Variants in MYH14 observed in about 807,000 individuals in gnomAD.
The protein encoded by MYH14 is myosin heavy chain 14.
MYH14 carries 123 observed loss-of-function variants against 255.5 expected under a neutral mutation model. The observed-to-expected ratio is 0.48, with a 90% CI of 0.42 to 0.56. MYH14 has a LOEUF of 0.56. Ranked by LOEUF, MYH14 falls within the 20% of genes least tolerant of loss-of-function variation. The pLI is 0.00. For synonymous variants in MYH14, 1,095 were observed against 1,161.2 expected, an observed-to-expected ratio of 0.94 and a Z score of 1.16; for missense variants, 2,423 against 2,802.3, an observed-to-expected ratio of 0.86 and a Z score of 3.06.
chr19:50,284,424 T>A (rs1291341171), intron 33 of MYH14, among the ~76,000 whole-genome samples: 1 of 152,154 alleles, frequency 6.6e-6, no homozygotes, highest in Non-Finnish European at 1.5e-5. Flanking sequence ...TGGAGTGCAG[T>A]GGCATGATCT....
At chr19:50,309,560 A>ATC (rs2036778065) in intron 42 of MYH14, 80 bp from the exon 43 acceptor site, 3 of 626,138 alleles carry the variant, frequency 4.8e-6, no homozygotes, top group African/African-American at 5.9e-5. Context: ...TCTCCCCCTC[A>ATC]TCTCTCTCTC....
chr19:50,297,413 C>T (rs1432557315), intron 39 of MYH14, among the ~76,000 whole-genome samples: 4 of 150,912 alleles, frequency 2.7e-5, no homozygotes, highest in Non-Finnish European at 2.9e-5. Flanking sequence ...GTTTCTTCAT[C>T]TGTAGATGTG....
intron 29 of MYH14, among the ~76,000 whole-genome samples, chr19:50,277,556 CA>C (rs891811741): frequency 1.3e-5 from 2 of 151,418 alleles, no homozygotes; most frequent in African/African-American, 4.9e-5. Flanking sequence ...TGAAGTGAGT[CA>C]AGATTGTACC....
chr19:50,229,638 T>C (rs2033277095), intron 8 of MYH14, among the ~76,000 whole-genome samples: 1 of 151,900 alleles, frequency 6.6e-6, no homozygotes, highest in South Asian at 2.1e-4. Context: ...AGACCCTGTC[T>C]AAAAAAACAA....
intron 10 of MYH14, among the ~76,000 whole-genome samples, chr19:50,239,988 G>T (rs2033827071): frequency 6.6e-6 from 1 of 152,078 alleles, no homozygotes; most frequent in Non-Finnish European, 1.5e-5. Flanking sequence ...AGCCCCCCAT[G>T]TCCCTTCCCA....
At chr19:50,251,521 T>TACACACAC (rs56728213) in intron 15 of MYH14, among the ~76,000 whole-genome samples, 10 of 72,596 alleles carry the variant, frequency 1.4e-4, no homozygotes, top group East Asian at 3.9e-4. Flanking sequence ...ATATACACAC[T>TACACACAC]ACACACACAC....
intron 36 of MYH14, 55 bp from the exon 37 acceptor site, chr19:50,292,206 G>C (rs1324808676): frequency 1.3e-5 from 19 of 1,507,276 alleles, no homozygotes; most frequent in Non-Finnish European, 1.4e-5. Flanking sequence ...GGGTGGAGGA[G>C]TTCCCTGTGC....
chr19:50,274,970 C>T (rs958765212), intron 27 of MYH14, among the ~76,000 whole-genome samples: 6 of 151,736 alleles, frequency 4.0e-5, no homozygotes, highest in Non-Finnish European at 8.8e-5. Context: ...ACTCCCCATC[C>T]CTCCTTCTCC....
intron 15 of MYH14, among the ~76,000 whole-genome samples, chr19:50,251,527 C>CATATAT (rs1568500513): frequency 1.3e-4 from 3 of 22,270 alleles, no homozygotes; most frequent in Admixed American, 3.5e-4. Flanking sequence ...ACACTACACA[C>CATATAT]ACACACACAC....
At chr19:50,232,437 C>CG (rs2033445399) in intron 10 of MYH14, among the ~76,000 whole-genome samples, 1 of 151,254 alleles carries the variant, frequency 6.6e-6, no homozygotes, top group African/African-American at 2.4e-5. Flanking sequence ...ACTGAAAATA[C>CG]AAAAAAGTTA....
At position 50,210,557 on chromosome 19, in the gene MYH14, G is replaced by A. The variant is rs181055215; in HGVS notation, c.192G>A (p.Gly64=). 2.5e-5 allele frequency: 40 copies of A among 1,582,468 alleles called. No homozygotes were observed. The highest frequency in any genetic ancestry group is 4.0e-5 in the African/African-American group (3 of 74,218). The change falls in exon 2 of 43, where the codon GGG becomes GGA. Residue 64 remains glycine, a synonymous_variant. Coordinates refer to ENST00000642316, the MANE Select transcript of MYH14 (RefSeq NM_001145809.2). ...RLVWVPSELH[G]FEAAALRDEG... ...TGTGGGTGCCTTCGGAGCTTCACGGGTTCGAGGCGGCGGCGCTGCGGGACG... is the reference window on the plus strand; with the variant it reads ...TGTGGGTGCCTTCGGAGCTTCACGGATTCGAGGCGGCGGCGCTGCGGGACG...
intron 22 of MYH14, among the ~76,000 whole-genome samples, chr19:50,264,880 T>G (rs2035024352): frequency 6.6e-6 from 1 of 152,122 alleles, no homozygotes; most frequent in African/African-American, 2.4e-5. Context: ...ACCATGGAGC[T>G]CAGGGACTAG....
rs563326379 is a variant in MYH14, at chr19:50,302,762, C to A, written c.5678+893C>A. On this transcript the variant is annotated intron_variant, in intron 40 of 42. Coordinates refer to ENST00000642316, the MANE Select transcript of MYH14 (RefSeq NM_001145809.2). The stretch of plus-strand genomic sequence containing the variant: ...CTAAAAATACAAAAAATTAGCCGGG[C>A]GTGGTGGCACGTGCCTGTAATCCCA... Among the ~76,000 whole-genome samples, 8 of 149,116 alleles carry A rather than the reference C, an allele frequency of 5.4e-5. No individual in the cohort carries two copies. The East Asian group carries it at 1.2e-3, about 23-fold the overall frequency.
At chr19:50,259,291 C>A (rs772846633) in intron 19 of MYH14, 26 bp downstream of exon 19, 3 of 1,553,862 alleles carry the variant, frequency 1.9e-6, no homozygotes, top group Non-Finnish European at 8.7e-7. Context: ...GGCCCAGGCC[C>A]GGCGGAGGGG....
Position 50,252,706 on chromosome 19 carries a change from T to C in MYH14, c.1898T>C (p.Leu633Ser). Residue 633 changes from leucine (L) to serine (S), a missense_variant, in exon 16 of 43, where the codon TTG becomes TCG. Leu to Ser is a moderately radical substitution (Grantham distance 145). This residue lies in a region of MYH14 where 672 missense variants were observed against 881.8 expected (regional missense o/e 0.76). Coordinates refer to ENST00000642316, the MANE Select transcript of MYH14 (RefSeq NM_001145809.2). The surrounding 1 kb of genome is among the most constrained non-coding windows in gnomAD (Gnocchi z 4.2). ...CCTCTGAATGACAACGTCGCAGCCT[T>C]GCTCCACCAGAGCACAGACCGGCTG... is the stretch of plus-strand genomic sequence containing the variant. Reference protein sequence around the residue: ...MDPLNDNVAALLHQSTDRLTA... With the variant: ...MDPLNDNVAASLHQSTDRLTA... 1 of 1,601,574 alleles carries C rather than the reference T, an allele frequency of 6.2e-7. No homozygotes were observed. Among genetic ancestry groups the C allele is most frequent in the East Asian group, 2.3e-5 (1 of 44,220 alleles).
At chr19:50,218,413 G>A (rs972963246) in intron 3 of MYH14, among the ~76,000 whole-genome samples, 2 of 151,810 alleles carry the variant, frequency 1.3e-5, no homozygotes, top group African/African-American at 4.8e-5. Flanking sequence ...TGGCTAACAC[G>A]GTGAAACCCC....
Position 50,214,213 on chromosome 19 carries a change from C to T in MYH14, c.406-3402C>T, listed in dbSNP as rs187345636. Among the ~76,000 whole-genome samples, 28 of 152,288 alleles carry T rather than the reference C, an allele frequency of 1.8e-4. No homozygotes were observed. The East Asian group carries it at 4.8e-3, about 26-fold the overall frequency. On this transcript the variant is annotated intron_variant, in intron 2 of 42. Coordinates refer to ENST00000642316, the MANE Select transcript of MYH14 (RefSeq NM_001145809.2). Reference sequence around the variant, plus strand: ...ATGTAGGAAGCACTATTTCTGTCCCCGTTAGCTAAAGACACTGAGACCCTG... The same window carrying T: ...ATGTAGGAAGCACTATTTCTGTCCCTGTTAGCTAAAGACACTGAGACCCTG...
At chr19:50,209,211 C>T (rs1464918278) in intron 1 of MYH14, among the ~76,000 whole-genome samples, 1 of 152,056 alleles carries the variant, frequency 6.6e-6, no homozygotes, top group Non-Finnish European at 1.5e-5. Context: ...AATGTGTTTC[C>T]TCAGTGACAC....
chr19:50,257,479 A>C lies in MYH14; in HGVS notation c.2225A>C (p.Glu742Ala). ...GTCCGCTGCATTGTCCCCAACCACG[A>C]GAAGAGGGTGAGTGACTCAGCCTGG... Reference protein sequence around the residue: ...SFVRCIVPNHEKRAGKLEPRL... With the variant: ...SFVRCIVPNHAKRAGKLEPRL... Residue 742 changes from glutamate (E) to alanine (A), a missense_variant, in exon 18 of 43, where the codon GAG becomes GCG. Coordinates refer to ENST00000642316, the MANE Select transcript of MYH14 (RefSeq NM_001145809.2). The C allele has an allele frequency of 1.2e-6, 2 of 1,601,266 alleles. No individual in the cohort carries two copies. The highest frequency in any genetic ancestry group is 1.7e-6 in the Non-Finnish European group (2 of 1,173,580).
Sources: gnomAD v4.1 joint callset for allele counts (sites outside exome capture counted in the v4.1 genomes callset) on GRCh38, gnomAD v4.1.1 for gene constraint, gnomAD v4.1.1 regional missense constraint, Gnocchi (gnomAD v3.1) non-coding constraint, MANE v1.5 for transcripts, NCBI Gene and HGNC (gene_info 2026-07-23, HGNC 2026-07-21) for gene names.